The following TEX10 variants were observed in gnomAD, a reference collection of about 807,000 sequenced individuals.
TEX10 encodes testis-expressed protein 10.
TEX10 carries 24 observed loss-of-function variants against 104.4 expected under a neutral mutation model. The observed-to-expected ratio is 0.23, with a 90% CI of 0.17 to 0.32. TEX10 has a LOEUF of 0.32. TEX10 is among the 10% of genes least tolerant of loss of function. TEX10 has a pLI of 1.00. For missense variants in TEX10, 921 were observed against 1,083.9 expected (o/e 0.85, Z 2.11); for synonymous variants, 396 against 393.4 (o/e 1.01, Z -0.08).
In TEX10 at chr9:100,340,251, T is replaced by A; in HGVS notation, c.1250+6A>T. The A allele has an allele frequency of 1.3e-6, 2 of 1,518,326 alleles. No homozygotes were observed. The highest frequency in any genetic ancestry group is 1.8e-6 in the Non-Finnish European group (2 of 1,127,848). 94.1% of individuals were successfully genotyped at this position (1,518,326 alleles called of 1,614,324 possible). On this transcript the variant is annotated splice_donor_region_variant and intron_variant, in intron 5 of 14. Transcript: ENST00000374902. ...AAGGTTATACAGTGAAAAAGAATCATAATACCTTTTATTTGGCTCTTTCCT... is the reference window on the plus strand; with the variant it reads ...AAGGTTATACAGTGAAAAAGAATCAAAATACCTTTTATTTGGCTCTTTCCT...
intron 5 of TEX10, among the ~76,000 whole-genome samples, chr9:100,331,682 G>A (rs572358228): frequency 2.0e-5 from 3 of 152,194 alleles, no homozygotes; most frequent in Non-Finnish European, 2.9e-5. Flanking sequence ...AGAGGCTAAA[G>A]ACATCAAAAT....
intron 9 of TEX10, among the ~76,000 whole-genome samples, chr9:100,323,053 C>A (rs1834611221): frequency 6.6e-6 from 1 of 152,148 alleles, no homozygotes; most frequent in African/African-American, 2.4e-5. Flanking sequence ...AGATGCTCAA[C>A]ACAAAGAAGT....
At chr9:100,340,164 G>A in intron 5 of TEX10, 93 bp downstream of exon 5, 1 of 666,828 alleles carries the variant, frequency 1.5e-6, no homozygotes, top group South Asian at 3.3e-5. Flanking sequence ...ATACACAGCA[G>A]TGTAGAAAGT....
At chr9:100,345,944 A>T in intron 4 of TEX10, 128 bp downstream of exon 4, 2 of 963,952 alleles carry the variant, frequency 2.1e-6, no homozygotes, top group Non-Finnish European at 2.9e-6. Flanking sequence ...AAACAAGTTT[A>T]CAGTTAAACC....
intron 4 of TEX10, among the ~76,000 whole-genome samples, chr9:100,344,453 A>G (rs1835250512): frequency 6.6e-6 from 1 of 152,268 alleles, no homozygotes; most frequent in Admixed American, 6.5e-5. Context: ...CTATCTAAAT[A>G]CAAATGCTAC....
chr9:100,302,546 A>C (rs1390957961), intron 14 of TEX10, among the ~76,000 whole-genome samples: 1 of 152,204 alleles, frequency 6.6e-6, no homozygotes, highest in African/African-American at 2.4e-5. Flanking sequence ...TCCCTCCTGC[A>C]CATGCTAGAG....
intron 5 of TEX10, 79 bp from the exon 6 acceptor site, chr9:100,330,248 C>A (rs1288990105): frequency 8.8e-7 from 1 of 1,132,710 alleles, no homozygotes; most frequent in African/African-American, 1.6e-5. Flanking sequence ...AATAATCTAT[C>A]AATGGAGTTT....
chr9:100,309,857 A>C (rs1457959212), intron 12 of TEX10, among the ~76,000 whole-genome samples: 1 of 152,250 alleles, frequency 6.6e-6, no homozygotes, highest in East Asian at 1.9e-4. Context: ...ATAACAGGTC[A>C]GTCTCAGGGT....
At chr9:100,308,941 T>A (rs1834207154) in intron 12 of TEX10, among the ~76,000 whole-genome samples, 1 of 152,184 alleles carries the variant, frequency 6.6e-6, no homozygotes, top group Non-Finnish European at 1.5e-5. Context: ...GACAGAATCT[T>A]CTAAATGTTC....
intron 11 of TEX10, among the ~76,000 whole-genome samples, chr9:100,311,779 G>A (rs1423608151): frequency 6.6e-6 from 1 of 152,130 alleles, no homozygotes; most frequent in Non-Finnish European, 1.5e-5. Flanking sequence ...ACAGATATCA[G>A]TCACAGCACA....
chr9:100,342,006 T>C (rs943179141), intron 4 of TEX10, among the ~76,000 whole-genome samples: 4 of 152,204 alleles, frequency 2.6e-5, no homozygotes, highest in Non-Finnish European at 5.9e-5. Context: ...GAGTCCCACA[T>C]GATCTGGCCA....
At chr9:100,322,667 G>C (rs901180725) in intron 9 of TEX10, among the ~76,000 whole-genome samples, 4 of 152,152 alleles carry the variant, frequency 2.6e-5, no homozygotes, top group African/African-American at 9.6e-5. Context: ...CCAGGCTGGA[G>C]TGCAATGGCA....
chr9:100,302,290 T>C lies in TEX10; in HGVS notation c.2691A>G (p.Gly897=). 6.2e-7 allele frequency: 1 copy of C among 1,612,504 alleles called. No homozygotes were observed. The highest frequency in any genetic ancestry group is 1.7e-5 in the Admixed American group (1 of 59,932). Residue 897 remains glycine (G), a synonymous_variant, in exon 15 of 15, where the codon GGA becomes GGG. Coordinates refer to ENST00000374902, the MANE Select transcript of TEX10 (RefSeq NM_017746.4). ...IIKNITTLKS[G]SVQEQWLTDL... is the part of the protein sequence containing the mutation. Reference sequence around the variant, plus strand: ...CTGTGAGCCACTGTTCCTGAACACTTCCACTCTTCAATGTCTGGAGAGAAA... The same window carrying C: ...CTGTGAGCCACTGTTCCTGAACACTCCCACTCTTCAATGTCTGGAGAGAAA...
At chr9:100,327,455 T>C (rs1358258195) in intron 8 of TEX10, among the ~76,000 whole-genome samples, 1 of 151,456 alleles carries the variant, frequency 6.6e-6, no homozygotes, top group Non-Finnish European at 1.5e-5. Flanking sequence ...ATACGAGATA[T>C]TCACTATGAT....
At position 100,346,279 on chromosome 9, in the gene TEX10, G is replaced by A; in HGVS notation, c.930C>T (p.Gly310=). The A allele has an allele frequency of 6.2e-7, 1 of 1,613,868 alleles. No individual in the cohort carries two copies. Among genetic ancestry groups the A allele is most frequent in the African/African-American group, 1.3e-5 (1 of 74,988 alleles). The change falls in exon 4 of 15, where the codon GGC becomes GGT. Residue 310 remains glycine, a synonymous_variant. Coordinates refer to ENST00000374902, the MANE Select transcript of TEX10 (RefSeq NM_017746.4). ...CTTTCAGGTTTTCAGTAGATGACAG[G>A]CCTTCATCCACACCACTCAGTCCTC... ...LVGGLSGVDE[G]LSSTENLKGF... is the part of the protein sequence containing the mutation.
At chr9:100,327,187 G>A (rs1834727615) in intron 8 of TEX10, among the ~76,000 whole-genome samples, 2 of 152,036 alleles carry the variant, frequency 1.3e-5, no homozygotes, top group Admixed American at 1.3e-4. Flanking sequence ...AAGGAATAAG[G>A]ATGAACTTCC....
At chr9:100,308,187 C>T (rs891803280) in intron 13 of TEX10, among the ~76,000 whole-genome samples, 5 of 151,356 alleles carry the variant, frequency 3.3e-5, no homozygotes, top group South Asian at 4.2e-4. Flanking sequence ...ATCCTCCTAA[C>T]GGTAGATTTA....
chr9:100,328,478 C>T (rs1293338466), intron 7 of TEX10, among the ~76,000 whole-genome samples: 3 of 152,144 alleles, frequency 2.0e-5, no homozygotes, highest in African/African-American at 7.2e-5. Context: ...ATAATACTCA[C>T]CAATTTATTT....
intron 13 of TEX10, chr9:100,306,510 T>C (rs778407120): frequency 9.2e-5 from 14 of 152,080 alleles, no homozygotes; most frequent in Non-Finnish European, 1.6e-4. Flanking sequence ...AAGGAGACAA[T>C]AGAACAGTAT....
Sources: allele counts gnomAD v4.1 joint callset (sites outside exome capture counted in the v4.1 genomes callset), GRCh38; gene constraint gnomAD v4.1.1; transcripts MANE v1.5; gene names NCBI Gene and HGNC (gene_info 2026-07-23, HGNC 2026-07-21).